The following PDE4B variants were observed in gnomAD, a reference collection of about 807,000 sequenced individuals.
PDE4B encodes 3',5'-cyclic-AMP phosphodiesterase 4B.
In PDE4B, 20 loss-of-function variants were observed where a neutral mutation model predicts 82.2. That is an observed-to-expected ratio of 0.24 (90% CI 0.17 to 0.35). The LOEUF (loss-of-function observed/expected upper bound fraction) is 0.35, where lower values mean the gene tolerates loss of function less well. PDE4B is among the 10% of genes least tolerant of loss of function. The pLI, the probability that PDE4B is intolerant of heterozygous loss-of-function variation, is 1.00. For synonymous variants in PDE4B, 320 were observed against 318.9 expected, an observed-to-expected ratio of 1.00 and a Z score of -0.04; for missense variants, 655 against 907.2, an observed-to-expected ratio of 0.72 and a Z score of 3.57.
chr1:66,105,336 A>G (rs1244174622), intron 3 of PDE4B, among the ~76,000 whole-genome samples: 1 of 151,718 alleles, frequency 6.6e-6, no homozygotes, highest in Non-Finnish European at 1.5e-5. Context: ...TATTTTGGTT[A>G]CTGTAGCCTT....
intron 3 of PDE4B, among the ~76,000 whole-genome samples, chr1:66,064,958 T>C (rs1655771897): frequency 6.6e-6 from 1 of 151,950 alleles, no homozygotes; most frequent in South Asian, 2.1e-4. Context: ...AATTTGGCTA[T>C]AAAATAAAAA....
At position 65,834,698 on chromosome 1, in the gene PDE4B, C is replaced by T. The variant is rs186938251; in HGVS notation, c.-71+41450C>T. 2.7e-3 allele frequency among the ~76,000 whole-genome samples: 406 copies of T among 152,276 alleles called. 1 individual carries two copies. Among genetic ancestry groups the T allele is most frequent in the African/African-American group, 8.7e-3 (362 of 41,558 alleles). On this transcript the variant is annotated intron_variant, in intron 1 of 16. Transcript: ENST00000341517. ...ACTGACAGAGGCTTATATATAGCCA[C>T]GTCTTCATGTCTAAATTGAGGCAGA...
At position 65,924,077 on chromosome 1, in the gene PDE4B, A is replaced by ATTTTTTTTTTTTTTTTTTTTTTT; in HGVS notation, c.281+5257_281+5258insTTTTTTTTTTTTTTTTTTTTTTT. 3.4e-3 allele frequency among the ~76,000 whole-genome samples: 138 copies of ATTTTTTTTTTTTTTTTTTTTTTT among 40,782 alleles called. 53 individuals are homozygous for ATTTTTTTTTTTTTTTTTTTTTTT. Among genetic ancestry groups the ATTTTTTTTTTTTTTTTTTTTTTT allele is most frequent in the Non-Finnish European group, 4.2e-3 (80 of 19,266 alleles). The allele number at this position is 40,782 out of a possible 152,430, so 26.8% of individuals were successfully genotyped here. On this transcript the variant is annotated intron_variant, in intron 3 of 16. Coordinates refer to ENST00000341517, the MANE Select transcript of PDE4B (RefSeq NM_002600.4). ...TTCTAATCTGCCTTCCAGTTTGCTA[A>ATTTTTTTTTTTTTTTTTTTTTTT]TTTTTTTTTTTTTTTGAGACGGAGT...
chr1:66,092,307 T>C (rs1645040925), intron 3 of PDE4B, among the ~76,000 whole-genome samples: 1 of 152,092 alleles, frequency 6.6e-6, no homozygotes, highest in Admixed American at 6.6e-5. Flanking sequence ...CATAGTTTAA[T>C]TGATACAAGC....
At chr1:66,218,100 C>T (rs980454036) in intron 3 of PDE4B, among the ~76,000 whole-genome samples, 2 of 152,062 alleles carry the variant, frequency 1.3e-5, no homozygotes, top group Non-Finnish European at 2.9e-5. Flanking sequence ...CCTTCCAACA[C>T]CTCTGTAAAG....
intron 3 of PDE4B, among the ~76,000 whole-genome samples, chr1:66,180,985 C>G (rs1447869557): frequency 6.6e-6 from 1 of 152,152 alleles, no homozygotes; most frequent in Admixed American, 6.6e-5. Context: ...TTCATTATTA[C>G]TGTGCATATG....
At chr1:65,908,588 C>T (rs1647053100) in intron 1 of PDE4B, among the ~76,000 whole-genome samples, 1 of 152,096 alleles carries the variant, frequency 6.6e-6, no homozygotes, top group African/African-American at 2.4e-5. Context: ...TTTAGTGTGA[C>T]AAGGATGCTT....
At chr1:66,030,559 G>A (rs1161835049) in intron 3 of PDE4B, among the ~76,000 whole-genome samples, 5 of 152,070 alleles carry the variant, frequency 3.3e-5, no homozygotes, top group African/African-American at 1.2e-4. Context: ...TTCTGTTCAG[G>A]TTTTTGCTTT....
intron 3 of PDE4B, among the ~76,000 whole-genome samples, chr1:65,976,342 T>C (rs2503201): frequency 0.64 from 97,959 of 152,106 alleles, 31,680 homozygotes; most frequent in African/African-American, 0.68. Context: ...AGCATTTACA[T>C]AATTCCTGTA....
intron 3 of PDE4B, among the ~76,000 whole-genome samples, chr1:66,232,015 T>C (rs1651990873): frequency 2.0e-5 from 3 of 152,190 alleles, no homozygotes; most frequent in Non-Finnish European, 2.9e-5. Context: ...TCCAGCCCGA[T>C]GAAGGGCAAG....
chr1:66,042,209 T>C (rs1283797987), intron 3 of PDE4B, among the ~76,000 whole-genome samples: 1 of 151,844 alleles, frequency 6.6e-6, no homozygotes, highest in Non-Finnish European at 1.5e-5. Flanking sequence ...AACTTACATT[T>C]AAATGGAAGA....
At chr1:66,006,741 G>A (rs943778947) in intron 3 of PDE4B, among the ~76,000 whole-genome samples, 1 of 152,040 alleles carries the variant, frequency 6.6e-6, no homozygotes, top group African/African-American at 2.4e-5. Flanking sequence ...GACTTTATGA[G>A]GGGCTTTTCC....
intron 1 of PDE4B, among the ~76,000 whole-genome samples, chr1:65,828,941 T>C (rs1646050322): frequency 1.3e-5 from 2 of 152,160 alleles, no homozygotes; most frequent in Non-Finnish European, 2.9e-5. Context: ...AGATGGAATA[T>C]ATAAACTCAA....
chr1:66,062,834 T>C (rs191935026), intron 3 of PDE4B: 103 of 152,232 alleles, frequency 6.8e-4, no homozygotes, highest in African/African-American at 2.3e-3. Flanking sequence ...TGCATTATTA[T>C]TTAAAATTGT....
At chr1:66,266,298 G>T (rs1057504119) in intron 7 of PDE4B, 22 of 583,480 alleles carry the variant, frequency 3.8e-5, no homozygotes, top group Non-Finnish European at 5.2e-5. Context: ...TTTGCCCATT[G>T]TATGTGCAGG....
At chr1:66,085,296 A>G (rs1282543487) in intron 3 of PDE4B, among the ~76,000 whole-genome samples, 4 of 152,156 alleles carry the variant, frequency 2.6e-5, no homozygotes, top group African/African-American at 9.6e-5. Context: ...TTGAGATATA[A>G]GTATCTGTTC....
At chr1:66,343,226 G>A (rs956590806) in intron 8 of PDE4B, among the ~76,000 whole-genome samples, 2 of 152,082 alleles carry the variant, frequency 1.3e-5, no homozygotes, top group African/African-American at 4.8e-5. Flanking sequence ...TAAAACAGTG[G>A]ACTTCCAACT....
Position 66,321,404 on chromosome 1 carries a change from A to G in PDE4B, c.635-11104A>G, listed in dbSNP as rs113742526. 7.5e-3 allele frequency among the ~76,000 whole-genome samples: 1,146 copies of G among 152,320 alleles called. 15 individuals are homozygous for G. Among genetic ancestry groups the G allele is most frequent in the African/African-American group, 0.026 (1,102 of 41,586 alleles). On this transcript the variant is annotated intron_variant, in intron 7 of 16. Transcript: ENST00000341517. ...TTGCTATTACATGGTTGTAGCTATC[A>G]TCATCTCCAGCATAGACTGCTGTAA...
rs1324954699 is a variant in PDE4B at position 66,318,143 on chromosome 1, G to A, written c.635-14365G>A. 3.9e-5 allele frequency among the ~76,000 whole-genome samples: 6 copies of A among 152,118 alleles called. No individual in the cohort carries two copies. The East Asian group carries it at 7.7e-4, about 20-fold the overall frequency. On this transcript the variant is annotated intron_variant, in intron 7 of 16. Transcript: ENST00000341517. ...GAGATTCAGATGCACCTCTTCTATA[G>A]ACTGGTATAGTGATGAATATCAACT...
Sources: gnomAD v4.1 joint callset for allele counts (sites outside exome capture counted in the v4.1 genomes callset) on GRCh38, gnomAD v4.1.1 for gene constraint, MANE v1.5 for transcripts, NCBI Gene and HGNC (gene_info 2026-07-23, HGNC 2026-07-21) for gene names.